The following ZFYVE26 variants were observed in gnomAD, a reference collection of about 807,000 sequenced individuals.
ZFYVE26 encodes zinc finger FYVE domain-containing protein 26.
A neutral mutation model predicts 276.5 loss-of-function variants in ZFYVE26; 181 were observed. The observed-to-expected ratio is 0.65, with a 90% CI of 0.58 to 0.74. The LOEUF (loss-of-function observed/expected upper bound fraction) is 0.74. ZFYVE26 is among the 30% of genes least tolerant of loss of function. The probability of loss-of-function intolerance (pLI) is 0.00; values close to 1 mark genes in which losing one functional copy is unlikely to be tolerated. For missense variants in ZFYVE26, 2,821 were observed against 3,097.9 expected (o/e 0.91, Z 2.12); for synonymous variants, 1,129 against 1,203.1 (o/e 0.94, Z 1.27).
At chr14:67,737,998 C>T (rs1320828712) in intron 13 of ZFYVE26, among the ~76,000 whole-genome samples, 1 of 152,190 alleles carries the variant, frequency 6.6e-6, no homozygotes, top group African/African-American at 2.4e-5. Flanking sequence ...AGATATTTAA[C>T]CTGACCAGTG....
At chr14:67,740,764 C>T (rs1489410053) in intron 13 of ZFYVE26, among the ~76,000 whole-genome samples, 1 of 151,996 alleles carries the variant, frequency 6.6e-6, no homozygotes, top group Non-Finnish European at 1.5e-5. Context: ...AAAAATTAGC[C>T]GGGCGCAGTG....
In ZFYVE26 at chr14:67,762,267, C is replaced by T. The variant is rs780006039; in HGVS notation, c.6305G>A (p.Gly2102Asp). 4 of 1,614,024 alleles carry T rather than the reference C, an allele frequency of 2.5e-6. No individual in the cohort carries two copies. The East Asian group carries it at 8.9e-5, about 36-fold the overall frequency. The change falls in exon 34 of 42, where the codon GGC becomes GAC. Residue 2102 changes from glycine to aspartate, a missense_variant. Physicochemically the swap from Gly to Asp is moderately conservative, Grantham distance 94. Transcript: ENST00000347230. ...AACCACATCCTGCACCAGCCTTGAG[C>T]CATGATTCAGCTGATTGAGGTCAAA... ...PPFDLNQLNH[G>D]SRLVQDVVEY... is the part of the protein sequence containing the mutation.
Position 67,804,147 on chromosome 14 carries a change from G to A in ZFYVE26, c.1389C>T (p.Leu463=). The A allele has an allele frequency of 1.2e-6, 2 of 1,614,214 alleles. No homozygotes were observed. Among genetic ancestry groups the A allele is most frequent in the South Asian group, 1.1e-5 (1 of 91,086 alleles). Residue 463 remains leucine (L), a synonymous_variant, in exon 9 of 42, where the codon CTC becomes CTT. Coordinates refer to ENST00000347230, the MANE Select transcript of ZFYVE26 (RefSeq NM_015346.4). ...TGGCTGGCACTTTCTGTAAGAGCTT[G>A]AGAACATCTTCCTCCCTGAGGGCTG... ...NLPALREEDV[L]KLLQKVPAKD... is the part of the protein sequence containing the mutation.
At chr14:67,771,195 T>C (rs1334964524) in intron 28 of ZFYVE26, among the ~76,000 whole-genome samples, 1 of 152,198 alleles carries the variant, frequency 6.6e-6, no homozygotes, top group Non-Finnish European at 1.5e-5. Flanking sequence ...TTCTCAGTAT[T>C]TAGCTCTCAC....
At position 67,809,308 on chromosome 14, in the gene ZFYVE26, T is replaced by C; in HGVS notation, c.274-19A>G. 1 of 1,571,866 alleles carries C rather than the reference T, an allele frequency of 6.4e-7. No individual in the cohort carries two copies. The highest frequency in any genetic ancestry group is 8.8e-7 in the Non-Finnish European group (1 of 1,142,120). On this transcript the variant is annotated intron_variant, in intron 3 of 41. Transcript: ENST00000347230. ...GTAACTTCTAGAAGAATCAAAAGAA[T>C]GAAGCATAGAGATGAGATATATGTT...
intron 10 of ZFYVE26, 40 bp from the exon 11 acceptor site, chr14:67,798,662 A>C (rs377504957): frequency 3.1e-6 from 5 of 1,612,548 alleles, no homozygotes; most frequent in Non-Finnish European, 4.2e-6. Flanking sequence ...AGAGAAAGAG[A>C]AGACAGAGAA....
rs1566862845 is a variant in ZFYVE26, at chr14:67,754,182, T to A, written c.7017A>T (p.Glu2339Asp). The A allele has an allele frequency of 6.2e-7, 1 of 1,614,234 alleles. No individual in the cohort carries two copies. Among genetic ancestry groups the A allele is most frequent in the Non-Finnish European group, 8.5e-7 (1 of 1,180,044 alleles). Residue 2339 changes from glutamate (E) to aspartate (D), a missense_variant, in exon 38 of 42, where the codon GAA becomes GAT. Coordinates refer to ENST00000347230, the MANE Select transcript of ZFYVE26 (RefSeq NM_015346.4). ...RHMNTLQLQM[E>D]VTRFLHRCES... Reference sequence around the variant, plus strand: ...CGCACCGATGCAAGAACCTGGTCACTTCCATCTGCAGCTGAAGTGTGTTCA... The same window carrying A: ...CGCACCGATGCAAGAACCTGGTCACATCCATCTGCAGCTGAAGTGTGTTCA...
At chr14:67,807,179 C>A (rs2040198181) in intron 5 of ZFYVE26, among the ~76,000 whole-genome samples, 1 of 152,180 alleles carries the variant, frequency 6.6e-6, no homozygotes, top group Non-Finnish European at 1.5e-5. Flanking sequence ...CCTAGCCTCA[C>A]ATGATCCTCC....
At chr14:67,812,679 T>C (rs2040327952) in intron 3 of ZFYVE26, among the ~76,000 whole-genome samples, 1 of 152,206 alleles carries the variant, frequency 6.6e-6, no homozygotes. Flanking sequence ...GTGGAATCCA[T>C]CTCCTGACAT....
rs11848539 is a variant in ZFYVE26 at position 67,811,289 on chromosome 14, T to C, written c.274-2000A>G. Among the ~76,000 whole-genome samples, 571 of 152,326 alleles carry C rather than the reference T, an allele frequency of 3.7e-3. 2 individuals carry two copies. Among genetic ancestry groups the C allele is most frequent in the African/African-American group, 0.013 (539 of 41,566 alleles). ...ACTTTAAACATATTCAGGATCATAA[T>C]TGACTAACATTTATCTTCCTAAAAT... On this transcript the variant is annotated intron_variant, in intron 3 of 41. Coordinates refer to ENST00000347230, the MANE Select transcript of ZFYVE26 (RefSeq NM_015346.4).
At chr14:67,742,008 C>T (rs534099293), downstream of ZFYVE26, among the ~76,000 whole-genome samples, 174 of 152,318 alleles carry the variant, frequency 1.1e-3, 2 homozygotes, top group Admixed American at 1.4e-3. Context: ...CAAGCGCCCA[C>T]GGAGCGGTCC....
rs2039648869 is a variant in ZFYVE26 at position 67,786,121 on chromosome 14, G to T, written c.3132C>A (p.Thr1044=). 1 of 1,614,100 alleles carries T rather than the reference G, an allele frequency of 6.2e-7. No homozygotes were observed. Among genetic ancestry groups the T allele is most frequent in the Non-Finnish European group, 8.5e-7 (1 of 1,180,008 alleles). The stretch of plus-strand genomic sequence containing the variant: ...GAGAAAAAAGCAACTCACCTGATTT[G>T]GTTTGACTGGCTGACATAAGCAGAT... ...LNYLLMSASQ[T]KSESVEEKGG... is the part of the protein sequence containing the mutation. The change falls in exon 17 of 42, where the codon ACC becomes ACA. Residue 1044 remains threonine, a synonymous_variant. Coordinates refer to ENST00000347230, the MANE Select transcript of ZFYVE26 (RefSeq NM_015346.4).
rs1488590977 is a variant in ZFYVE26, at chr14:67,748,538, C to T, written c.7518G>A (p.Gln2506=). Residue 2506 remains glutamine, a synonymous_variant, in exon 42 of 42, where the codon CAG becomes CAA. Coordinates refer to ENST00000347230, the MANE Select transcript of ZFYVE26 (RefSeq NM_015346.4). Reference sequence around the variant, plus strand: ...CTGCATCCCCGCTGCTCTTGGCGGCCTGCTGCACCTGCTGGACAAGGGCTG... The same window carrying T: ...CTGCATCCCCGCTGCTCTTGGCGGCTTGCTGCACCTGCTGGACAAGGGCTG... ...RATALVQQVQ[Q]AAKSSGDAVV... is the part of the protein sequence containing the mutation. 3.7e-6 allele frequency: 6 copies of T among 1,614,136 alleles called. No individual in the cohort carries two copies. Among genetic ancestry groups the T allele is most frequent in the Non-Finnish European group, 5.1e-6 (6 of 1,180,014 alleles).
intron 13 of ZFYVE26, chr14:67,733,722 T>TCA: frequency 6.6e-7 from 1 of 1,517,242 alleles, no homozygotes; most frequent in South Asian, 1.1e-5. Flanking sequence ...TTCCTGGAAT[T>TCA]TACTGTCTTT....
chr14:67,788,972 A>C (rs1407338329), intron 16 of ZFYVE26, among the ~76,000 whole-genome samples: 4 of 152,188 alleles, frequency 2.6e-5, no homozygotes, highest in Non-Finnish European at 5.9e-5. Context: ...ACTGTGACTC[A>C]TTAAGTTTTC....
rs2039989554 is a variant in ZFYVE26 at position 67,797,868 on chromosome 14, A to T, written c.2249-113T>A. The T allele has an allele frequency of 6.4e-6, 10 of 1,566,208 alleles. No homozygotes were observed. In the South Asian group the frequency reaches 1.1e-4, roughly 17 times the overall value. On this transcript the variant is annotated intron_variant, in intron 11 of 41. Coordinates refer to ENST00000347230, the MANE Select transcript of ZFYVE26 (RefSeq NM_015346.4). ...CACTGGGCTCTGAGACATGGAGCAT[A>T]CCCCAGTGTTCTGACACTGGTTGCC...
chr14:67,794,231 C>T lies in ZFYVE26; in HGVS notation c.2341G>A (p.Asp781Asn), dbSNP rs1409857483. 4 of 1,614,042 alleles carry T rather than the reference C, an allele frequency of 2.5e-6. No homozygotes were observed. The highest frequency in any genetic ancestry group is 2.5e-6 in the Non-Finnish European group (3 of 1,179,980). The change falls in exon 13 of 42, where the codon GAC (aspartate) becomes AAC (asparagine). Residue 781 changes from aspartate (D) to asparagine (N), a missense_variant. By Grantham distance (23) the Asp-to-Asn change is conservative (BLOSUM62 1). Coordinates refer to ENST00000347230, the MANE Select transcript of ZFYVE26 (RefSeq NM_015346.4). ...RTRRSQADGR[D>N]RGSNPSLEST... Reference sequence around the variant, plus strand: ...TCCAGGGATGGGTTTGAACCTCTGTCTCGGCCATCTACAGGTATTGGGAAG... The same window carrying T: ...TCCAGGGATGGGTTTGAACCTCTGTTTCGGCCATCTACAGGTATTGGGAAG...
At chr14:67,754,021 G>A (rs930670067) in intron 38 of ZFYVE26, 50 bp downstream of exon 38, 4 of 1,613,376 alleles carry the variant, frequency 2.5e-6, no homozygotes, top group Non-Finnish European at 2.5e-6. Context: ...TATGATAAGT[G>A]TTCTAAAAGA....
At chr14:67,748,929 C>T (rs1408814508) in intron 41 of ZFYVE26, among the ~76,000 whole-genome samples, 3 of 152,236 alleles carry the variant, frequency 2.0e-5, no homozygotes, top group East Asian at 3.8e-4. Context: ...TGACACTCTC[C>T]TCCTCACTCT....
Sources: gnomAD v4.1 joint callset for allele counts (sites outside exome capture counted in the v4.1 genomes callset) on GRCh38, gnomAD v4.1.1 for gene constraint, MANE v1.5 for transcripts, NCBI Gene and HGNC (gene_info 2026-07-23, HGNC 2026-07-21) for gene names.